The following TSPAN5 variants were observed in gnomAD, a reference collection of about 807,000 sequenced individuals.
TSPAN5 encodes the protein tetraspanin 5.
Under a neutral mutation model 37.1 loss-of-function variants are expected in TSPAN5, and 10 were observed. The ratio of observed to expected loss-of-function variants is 0.27; its 90% confidence interval spans 0.17 to 0.46. TSPAN5 has a LOEUF of 0.46. TSPAN5 is among the 20% of genes least tolerant of loss of function. The pLI, the probability that TSPAN5 is intolerant of heterozygous loss-of-function variation, is 1.00. For synonymous variants in TSPAN5, 110 were observed against 118.9 expected (o/e 0.93, Z 0.48); for missense variants, 195 against 326.6 (o/e 0.60, Z 3.11).
At chr4:98,544,205 A>G (rs971491981) in intron 1 of TSPAN5, among the ~76,000 whole-genome samples, 7 of 152,054 alleles carry the variant, frequency 4.6e-5, no homozygotes, top group African/African-American at 1.2e-4. Flanking sequence ...ATGAATGAAC[A>G]AACAAGTGCT....
intron 1 of TSPAN5, among the ~76,000 whole-genome samples, chr4:98,519,880 GTCCTCTACTTCT>G (rs952884218): frequency 5.9e-5 from 9 of 152,144 alleles, no homozygotes; most frequent in Non-Finnish European, 1.0e-4. Context: ...TAACTTGTCA[GTCCTCTACTTCT>G]TCCTCTACAA....
rs1278509184 is a variant in TSPAN5, at chr4:98,610,377, G to A, written c.81+47769C>T. On this transcript the variant is annotated intron_variant, in intron 1 of 7. Transcript: ENST00000305798. ...ACTGGGGACTAAGTTTCCAATATAT[G>A]CTCTTTGGGGGACACATTCAAACCA... Among the ~76,000 whole-genome samples, 9 of 152,282 alleles carry A rather than the reference G, an allele frequency of 5.9e-5. No individual in the cohort carries two copies. The East Asian group carries it at 1.7e-3, about 29-fold the overall frequency.
chr4:98,606,840 T>C (rs1756048914), intron 1 of TSPAN5, among the ~76,000 whole-genome samples: 1 of 152,222 alleles, frequency 6.6e-6, no homozygotes, highest in South Asian at 2.1e-4. Context: ...TCACTCCAAC[T>C]TTAAAAATAT....
chr4:98,563,083 C>A (rs779897680), intron 1 of TSPAN5, among the ~76,000 whole-genome samples: 2 of 152,136 alleles, frequency 1.3e-5, no homozygotes, highest in Non-Finnish European at 1.5e-5. Context: ...CTCCAGTTAC[C>A]GTGGGTCACT....
intron 1 of TSPAN5, among the ~76,000 whole-genome samples, chr4:98,608,248 C>CT (rs1371851880): frequency 6.6e-6 from 1 of 152,080 alleles, no homozygotes; most frequent in African/African-American, 2.4e-5. Flanking sequence ...TCTTCACTTC[C>CT]TTTTTTTAGT....
intron 1 of TSPAN5, among the ~76,000 whole-genome samples, chr4:98,570,808 C>T (rs1302511048): frequency 6.6e-6 from 1 of 152,056 alleles, no homozygotes; most frequent in African/African-American, 2.4e-5. Flanking sequence ...CTCTTTCATA[C>T]TCCACCCCAC....
chr4:98,587,044 C>A (rs1174057283), intron 1 of TSPAN5, among the ~76,000 whole-genome samples: 2 of 152,196 alleles, frequency 1.3e-5, no homozygotes, highest in Admixed American at 6.5e-5. Flanking sequence ...AGGGTGAGGG[C>A]TGAGGGAGAG....
chr4:98,473,225 C>T (rs1752624377), intron 7 of TSPAN5, among the ~76,000 whole-genome samples: 1 of 152,172 alleles, frequency 6.6e-6, no homozygotes, highest in Non-Finnish European at 1.5e-5. Context: ...TATGGTAGCA[C>T]TATATTTAAC....
At chr4:98,623,737 C>T (rs1756531762) in intron 1 of TSPAN5, among the ~76,000 whole-genome samples, 1 of 152,162 alleles carries the variant, frequency 6.6e-6, no homozygotes, top group South Asian at 2.1e-4. Flanking sequence ...TCCCTTACTC[C>T]TTTGGTGGCT....
intron 1 of TSPAN5, among the ~76,000 whole-genome samples, chr4:98,588,777 TAGA>T (rs1223836130): frequency 6.6e-6 from 1 of 152,252 alleles, no homozygotes; most frequent in African/African-American, 2.4e-5. Flanking sequence ...GTGTGTGGCC[TAGA>T]AGACTTCAAA....
intron 1 of TSPAN5, among the ~76,000 whole-genome samples, chr4:98,533,567 T>TTTTTTTTTTTTTTTG (rs1413078858): frequency 7.4e-6 from 1 of 135,500 alleles, no homozygotes; most frequent in African/African-American, 2.8e-5. Flanking sequence ...TTTTTTTTTC[T>TTTTTTTTTTTTTTTG]TGAGACAGAG....
intron 1 of TSPAN5, among the ~76,000 whole-genome samples, chr4:98,543,725 T>C (rs1027771656): frequency 2.0e-5 from 3 of 152,052 alleles, no homozygotes; most frequent in African/African-American, 7.2e-5. Context: ...CAGCCTACTT[T>C]AGAATTTTTA....
At chr4:98,555,974 C>T (rs554127132) in intron 1 of TSPAN5, among the ~76,000 whole-genome samples, 3 of 123,306 alleles carry the variant, frequency 2.4e-5, no homozygotes, top group Non-Finnish European at 4.8e-5. Flanking sequence ...CACACACGCG[C>T]GCGCACACAC....
In TSPAN5 at chr4:98,471,277, G is replaced by A. The variant is rs1752576932; in HGVS notation, c.*1245C>T. ...AGAAACCATTAGAAGCTTTTGACTG[G>A]GTCAATGTTGTTTCCAAATTGGGTT... is the stretch of plus-strand genomic sequence containing the variant. On this transcript the variant is annotated 3_prime_UTR_variant, in exon 8 of 8. Transcript: ENST00000305798. The A allele has an allele frequency of 6.6e-6, 1 of 152,120 alleles. No individual in the cohort carries two copies. The highest frequency in any genetic ancestry group is 2.4e-5 in the African/African-American group (1 of 41,406). The allele number at this position is 152,120 out of a possible 1,614,324, so 9.4% of individuals were successfully genotyped here.
chr4:98,556,921 G>T (rs1011705417), intron 1 of TSPAN5, among the ~76,000 whole-genome samples: 2 of 152,146 alleles, frequency 1.3e-5, no homozygotes, highest in African/African-American at 4.8e-5. Context: ...AAAGTGAAAT[G>T]ATTATTTCAA....
At chr4:98,477,452 C>A (rs1307147256) in intron 5 of TSPAN5, among the ~76,000 whole-genome samples, 1 of 152,154 alleles carries the variant, frequency 6.6e-6, no homozygotes, top group Non-Finnish European at 1.5e-5. Flanking sequence ...AGCCCCACAG[C>A]CTCCACCATA....
chr4:98,556,154 C>T (rs890207728), intron 1 of TSPAN5, among the ~76,000 whole-genome samples: 1 of 151,880 alleles, frequency 6.6e-6, no homozygotes, highest in African/African-American at 2.4e-5. Context: ...CTGTCTTGGC[C>T]CCAGATGCAG....
chr4:98,598,631 AT>A (rs1329264854), intron 1 of TSPAN5, among the ~76,000 whole-genome samples: 1 of 151,946 alleles, frequency 6.6e-6, no homozygotes, highest in Non-Finnish European at 1.5e-5. Context: ...TACCCAGCTA[AT>A]TTTTGTTTTT....
At chr4:98,476,567 T>A in intron 5 of TSPAN5, 107 bp from the exon 6 acceptor site, 2 of 1,027,010 alleles carry the variant, frequency 1.9e-6, no homozygotes, top group Non-Finnish European at 3.0e-6. Context: ...AATGTGTATC[T>A]GGGCACAAAG....
Sources: gnomAD v4.1 joint callset for allele counts (sites outside exome capture counted in the v4.1 genomes callset) on GRCh38, gnomAD v4.1.1 for gene constraint, MANE v1.5 for transcripts, NCBI Gene and HGNC (gene_info 2026-07-23, HGNC 2026-07-21) for gene names.